The following MEGF10 variants were observed in gnomAD, a reference collection of about 807,000 sequenced individuals.
MEGF10 encodes multiple epidermal growth factor-like domains protein 10.
Under a neutral mutation model 147.5 loss-of-function variants are expected in MEGF10, and 86 were observed. That is an observed-to-expected ratio of 0.58 (90% CI 0.49 to 0.70). MEGF10 has a LOEUF of 0.70. Ranked by LOEUF, MEGF10 falls within the 30% of genes least tolerant of loss-of-function variation. The pLI, the probability that MEGF10 is intolerant of heterozygous loss-of-function variation, is 0.00. For synonymous variants in MEGF10, 478 were observed against 525.5 expected (o/e 0.91, Z 1.24); for missense variants, 1,329 against 1,487.3 (o/e 0.89, Z 1.75).
At chr5:127,321,002 G>T (rs1447961687) in intron 1 of MEGF10, among the ~76,000 whole-genome samples, 1 of 152,196 alleles carries the variant, frequency 6.6e-6, no homozygotes, top group Non-Finnish European at 1.5e-5. Flanking sequence ...GTCTCTTAGA[G>T]TATCTAACTT....
At chr5:127,367,985 C>A (rs1762718270) in intron 4 of MEGF10, among the ~76,000 whole-genome samples, 1 of 152,180 alleles carries the variant, frequency 6.6e-6, no homozygotes, top group Non-Finnish European at 1.5e-5. Context: ...TTTAGTTGAA[C>A]TTCCCACACT....
intron 23 of MEGF10, among the ~76,000 whole-genome samples, 195 bp downstream of exon 23, chr5:127,454,805 C>T (rs781096532): frequency 2.6e-5 from 4 of 152,092 alleles, no homozygotes; most frequent in Non-Finnish European, 5.9e-5. Context: ...CTTGGTAGAG[C>T]TTAAGTCTTT....
chr5:127,374,847 T>C (rs1762968889), intron 5 of MEGF10, among the ~76,000 whole-genome samples: 1 of 152,216 alleles, frequency 6.6e-6, no homozygotes. Flanking sequence ...GTAACTGATA[T>C]CTATGGCTTC....
chr5:127,240,621 G>C, the MEGF10 span, among the ~76,000 whole-genome samples: 12 of 152,210 alleles, frequency 7.9e-5, no homozygotes, highest in Admixed American at 3.3e-4. Context: ...TTGTCATAAT[G>C]CTCCTTGAAA....
chr5:127,326,388 T>C (rs1167544005), intron 1 of MEGF10, among the ~76,000 whole-genome samples: 1 of 152,194 alleles, frequency 6.6e-6, no homozygotes, highest in African/African-American at 2.4e-5. Flanking sequence ...TTGAAATGAA[T>C]AGTCATACCT....
chr5:127,316,560 C>T (rs1040034284), intron 1 of MEGF10, among the ~76,000 whole-genome samples: 11 of 151,960 alleles, frequency 7.2e-5, no homozygotes, highest in Non-Finnish European at 1.3e-4. Flanking sequence ...TAGGATTTTC[C>T]ACTGCAGTTG....
chr5:127,413,038 C>T (rs1580837321), intron 9 of MEGF10, among the ~76,000 whole-genome samples: 1 of 152,102 alleles, frequency 6.6e-6, no homozygotes, highest in Non-Finnish European at 1.5e-5. Flanking sequence ...TCGCTAATAC[C>T]CCTTTAGATA....
At chr5:127,450,883 C>T (rs552207492) in intron 22 of MEGF10, among the ~76,000 whole-genome samples, 1 of 152,218 alleles carries the variant, frequency 6.6e-6, no homozygotes, top group East Asian at 1.9e-4. Flanking sequence ...CTTAGCCTCC[C>T]AAGCAGCTGG....
chr5:127,448,369 T>C lies in MEGF10; in HGVS notation c.2856+685T>C, dbSNP rs375914912. Among the ~76,000 whole-genome samples the C allele has an allele frequency of 2.8e-3, 434 of 152,320 alleles. 4 individuals carry two copies. Among genetic ancestry groups the C allele is most frequent in the African/African-American group, 9.9e-3 (413 of 41,564 alleles). ...TGAGGAAACTGAGTCACAGAGAGGT[T>C]GGAGACAGAGTGTCTAGAACCCAGA... On this transcript the variant is annotated intron_variant, in intron 21 of 24. Coordinates refer to ENST00000503335, the MANE Select transcript of MEGF10 (RefSeq NM_001256545.2).
chr5:127,359,064 T>G (rs931587405), intron 4 of MEGF10, among the ~76,000 whole-genome samples: 51 of 152,058 alleles, frequency 3.4e-4, no homozygotes, highest in Non-Finnish European at 6.2e-4. Flanking sequence ...TTTTGTTTTT[T>G]TTTTTTTCTG....
chr5:127,415,185 G>C (rs565800454), intron 9 of MEGF10, among the ~76,000 whole-genome samples: 4 of 152,288 alleles, frequency 2.6e-5, no homozygotes, highest in African/African-American at 7.2e-5. Context: ...GTGGCCAGAT[G>C]ATGAGGCCCC....
At chr5:127,304,261 T>C (rs79972283) in intron 1 of MEGF10, among the ~76,000 whole-genome samples, 2,746 of 152,330 alleles carry the variant, frequency 0.018, 73 homozygotes, top group East Asian at 0.11. Context: ...TTCTAGACCC[T>C]GAATCAAGAA....
the MEGF10 span, among the ~76,000 whole-genome samples, chr5:127,257,479 T>C: frequency 6.6e-6 from 1 of 152,114 alleles, no homozygotes; most frequent in Non-Finnish European, 1.5e-5. Context: ...TTCAAAGAAC[T>C]CAGCATGACA....
chr5:127,454,749 A>G, intron 23 of MEGF10, 139 bp downstream of exon 23: 1 of 686,906 alleles, frequency 1.5e-6, no homozygotes, highest in Non-Finnish European at 2.4e-6. Flanking sequence ...TACAGCAAAC[A>G]CACAAACATG....
the MEGF10 span, among the ~76,000 whole-genome samples, chr5:127,230,553 T>C: frequency 8.7e-6 from 1 of 115,588 alleles, no homozygotes; most frequent in South Asian, 2.8e-4. Context: ...GAAAGTGAGA[T>C]GAATGAAAGA....
the MEGF10 span, among the ~76,000 whole-genome samples, chr5:127,277,017 T>C: frequency 6.6e-6 from 1 of 152,166 alleles, no homozygotes; most frequent in Non-Finnish European, 1.5e-5. Context: ...GAAGTCAGTC[T>C]GGTGTATTTG....
At chr5:127,292,570 C>G (rs772154622) in intron 1 of MEGF10, among the ~76,000 whole-genome samples, 2 of 152,194 alleles carry the variant, frequency 1.3e-5, no homozygotes, top group Non-Finnish European at 2.9e-5. Context: ...TCAAACTTAG[C>G]TCAGACATGA....
chr5:127,438,581 C>T lies in MEGF10; in HGVS notation c.2233+14C>T. On this transcript the variant is annotated intron_variant, in intron 17 of 24. Transcript: ENST00000503335. Reference sequence around the variant, plus strand: ...ACTGCACTCAGAGTAAGTGACAAGCCTTCTGAGGCTCACCAAGGGGAGCCT... The same window carrying T: ...ACTGCACTCAGAGTAAGTGACAAGCTTTCTGAGGCTCACCAAGGGGAGCCT... 6.2e-7 allele frequency: 1 copy of T among 1,612,904 alleles called. No individual in the cohort carries two copies. The highest frequency in any genetic ancestry group is 8.5e-7 in the Non-Finnish European group (1 of 1,179,360).
chr5:127,418,656 T>A (rs1425568608), intron 10 of MEGF10, among the ~76,000 whole-genome samples: 1 of 152,250 alleles, frequency 6.6e-6, no homozygotes, highest in Non-Finnish European at 1.5e-5. Flanking sequence ...ATCATGTTGC[T>A]GAATGTGTTC....
Sources: allele counts gnomAD v4.1 joint callset (sites outside exome capture counted in the v4.1 genomes callset), GRCh38; gene constraint gnomAD v4.1.1; transcripts MANE v1.5; gene names NCBI Gene and HGNC (gene_info 2026-07-23, HGNC 2026-07-21).